Variants in THSD4 observed in about 807,000 individuals in gnomAD.
The protein encoded by THSD4 is thrombospondin type 1 domain containing 4, also known as thrombospondin type-1 domain-containing protein 4.
In THSD4, 69 loss-of-function variants were observed where a neutral mutation model predicts 119.0. The ratio of observed to expected loss-of-function variants is 0.58; its 90% CI spans 0.48 to 0.71. The LOEUF (loss-of-function observed/expected upper bound fraction) is 0.71. Ranked by LOEUF, THSD4 falls within the 30% of genes least tolerant of loss-of-function variation. The pLI is 0.00. For missense variants in THSD4, 1,393 were observed against 1,391.1 expected, an observed-to-expected ratio of 1.00 and a Z score of -0.02; for synonymous variants, 524 against 540.4, an observed-to-expected ratio of 0.97 and a Z score of 0.42.
intron 8 of THSD4, among the ~76,000 whole-genome samples, chr15:71,727,082 TCTC>T (rs1015135270): frequency 6.6e-6 from 1 of 151,948 alleles, no homozygotes; most frequent in Non-Finnish European, 1.5e-5. Context: ...CTTGCCCCCT[TCTC>T]CTTTCGTACC....
chr15:71,746,010 G>C (rs923539621), intron 12 of THSD4, among the ~76,000 whole-genome samples: 5 of 152,108 alleles, frequency 3.3e-5, no homozygotes, highest in African/African-American at 1.2e-4. Flanking sequence ...GCCCTAAAAG[G>C]GTCAAAACCT....
chr15:71,643,274 C>A (rs1181121929), intron 7 of THSD4, among the ~76,000 whole-genome samples: 2 of 152,166 alleles, frequency 1.3e-5, no homozygotes, highest in East Asian at 1.9e-4. Context: ...TTTTTTAAAA[C>A]CACTAATGTG....
At chr15:71,210,935 G>A (rs1451466111) in intron 3 of THSD4, among the ~76,000 whole-genome samples, 2 of 151,990 alleles carry the variant, frequency 1.3e-5, no homozygotes, top group African/African-American at 4.8e-5. Context: ...GATGCAATAT[G>A]TGTCTTTATG....
chr15:71,308,996 C>G (rs2045073625), intron 6 of THSD4, among the ~76,000 whole-genome samples: 1 of 152,220 alleles, frequency 6.6e-6, no homozygotes, highest in Non-Finnish European at 1.5e-5. Flanking sequence ...ATTGCCCAGG[C>G]TGCAGTGCAG....
chr15:71,180,857 T>C (rs2043515047), intron 3 of THSD4, among the ~76,000 whole-genome samples: 1 of 152,046 alleles, frequency 6.6e-6, no homozygotes, highest in Non-Finnish European at 1.5e-5. Context: ...TGGGATTACA[T>C]GGATCTTAAA....
At chr15:71,207,367 G>A (rs1353272154) in intron 3 of THSD4, among the ~76,000 whole-genome samples, 8 of 152,272 alleles carry the variant, frequency 5.3e-5, no homozygotes, top group East Asian at 3.9e-4. Flanking sequence ...CCCTGGGCTC[G>A]CTTAATCATG....
chr15:71,674,418 T>A (rs1239169216), intron 8 of THSD4, among the ~76,000 whole-genome samples: 1 of 152,022 alleles, frequency 6.6e-6, no homozygotes, highest in Admixed American at 6.6e-5. Context: ...AATGAGAAAA[T>A]GTAGGTAAAA....
rs570081138 is a variant in THSD4 at position 71,215,715 on chromosome 15, C to T, written c.464+316C>T. ...GAGGGGTGAAAGCAGGAGGGGAGTG[C>T]TGTCCGGGTGCCGGGAAGGAGAGAT... On this transcript the variant is annotated intron_variant, in intron 4 of 17. Transcript: ENST00000261862. Among the ~76,000 whole-genome samples, 30 of 152,290 alleles carry T rather than the reference C, an allele frequency of 2.0e-4. No individual in the cohort carries two copies. The East Asian group carries it at 5.6e-3, about 28-fold the overall frequency.
At position 71,258,875 on chromosome 15, in the gene THSD4, A is replaced by G. The variant is rs1248871509; in HGVS notation, c.1015+2160A>G. ...GTTCTGATAAGAGGAGAAAGTTGGG[A>G]GGCCAAGGCAGGTGGATCACCTGAG... On this transcript the variant is annotated intron_variant, in intron 6 of 17. Coordinates refer to ENST00000261862, the MANE Select transcript of THSD4 (RefSeq NM_024817.3). Among the ~76,000 whole-genome samples the G allele has an allele frequency of 2.6e-5, 4 of 152,190 alleles. No homozygotes were observed. The South Asian group carries it at 8.3e-4, about 31-fold the overall frequency.
At chr15:71,130,784 G>T (rs2040496393) in intron 1 of THSD4, among the ~76,000 whole-genome samples, 1 of 152,134 alleles carries the variant, frequency 6.6e-6, no homozygotes, top group Non-Finnish European at 1.5e-5. Context: ...TTGCTGTGTT[G>T]CCCAGGCTGG....
chr15:71,695,374 T>G (rs1220944468), intron 8 of THSD4, among the ~76,000 whole-genome samples: 4 of 151,926 alleles, frequency 2.6e-5, no homozygotes, highest in Non-Finnish European at 5.9e-5. Flanking sequence ...TGTGTGTGTA[T>G]GTATGTGTGT....
chr15:71,751,768 A>G (rs1293993889), intron 14 of THSD4, among the ~76,000 whole-genome samples: 2 of 152,058 alleles, frequency 1.3e-5, no homozygotes, highest in South Asian at 4.1e-4. Context: ...CCTGGGCTCT[A>G]GTGATCCTCC....
chr15:71,447,130 T>A (rs1262477470), intron 7 of THSD4, among the ~76,000 whole-genome samples: 1 of 141,534 alleles, frequency 7.1e-6, no homozygotes. Context: ...TTTTTTTTTT[T>A]TTTTTTTTGG....
intron 3 of THSD4, among the ~76,000 whole-genome samples, chr15:71,200,585 C>T (rs1397859072): frequency 6.6e-6 from 1 of 152,102 alleles, no homozygotes; most frequent in Non-Finnish European, 1.5e-5. Flanking sequence ...GTGCTCAAAG[C>T]CATTGTTCCG....
chr15:71,470,001 A>C (rs1326146899), intron 7 of THSD4, among the ~76,000 whole-genome samples: 1 of 152,240 alleles, frequency 6.6e-6, no homozygotes, highest in Non-Finnish European at 1.5e-5. Flanking sequence ...ATAGGAGTTC[A>C]CTAGCCATAT....
intron 1 of THSD4, among the ~76,000 whole-genome samples, chr15:71,130,864 T>G (rs1441341429): frequency 6.6e-6 from 1 of 152,056 alleles, no homozygotes; most frequent in Non-Finnish European, 1.5e-5. Flanking sequence ...CCTGCCTCAG[T>G]CTCCCGAGTA....
At chr15:71,683,625 C>A (rs988213812) in intron 8 of THSD4, among the ~76,000 whole-genome samples, 5 of 152,190 alleles carry the variant, frequency 3.3e-5, no homozygotes, top group African/African-American at 4.8e-5. Flanking sequence ...CAACCTGATT[C>A]ATGCCCAGAG....
intron 4 of THSD4, 21 bp from the exon 5 acceptor site, chr15:71,242,628 C>T: frequency 6.2e-7 from 1 of 1,606,480 alleles, no homozygotes; most frequent in Non-Finnish European, 8.5e-7. Flanking sequence ...ATCATCTCCT[C>T]TCTTGTCTAT....
intron 8 of THSD4, among the ~76,000 whole-genome samples, chr15:71,726,299 G>T (rs2052836387): frequency 6.6e-6 from 1 of 152,198 alleles, no homozygotes; most frequent in South Asian, 2.1e-4. Context: ...GGCCACTCCA[G>T]CCCCTCTGTG....
Sources: allele counts gnomAD v4.1 joint callset (sites outside exome capture counted in the v4.1 genomes callset), GRCh38; gene constraint gnomAD v4.1.1; transcripts MANE v1.5; gene names NCBI Gene and HGNC (gene_info 2026-07-23, HGNC 2026-07-21).